The following ASIC2 variants were observed in gnomAD, a reference collection of about 807,000 sequenced individuals.
ASIC2 encodes acid-sensing ion channel 2.
ASIC2 carries 25 observed loss-of-function variants against 57.3 expected under a neutral mutation model. That is an observed-to-expected ratio of 0.44 (90% confidence interval 0.32 to 0.61). ASIC2 has a LOEUF of 0.61. Among genes scored for constraint, ASIC2 ranks in the 20% least tolerant of loss-of-function variants. The probability of loss-of-function intolerance (pLI) is 0.06; values close to 1 mark genes in which losing one functional copy is unlikely to be tolerated. For missense variants in ASIC2, 641 were observed against 738.1 expected (o/e 0.87, Z 1.52); for synonymous variants, 319 against 307.5 (o/e 1.04, Z -0.39).
chr17:33,797,285 C>T (rs1382666503), intron 1 of ASIC2, among the ~76,000 whole-genome samples: 2 of 152,166 alleles, frequency 1.3e-5, no homozygotes, highest in African/African-American at 4.8e-5. Context: ...AGAAGTAGAG[C>T]TGTGCAAAGT....
At chr17:33,983,644 C>A (rs866293323) in intron 1 of ASIC2, among the ~76,000 whole-genome samples, 90 of 152,306 alleles carry the variant, frequency 5.9e-4, no homozygotes, top group African/African-American at 2.1e-3. Context: ...GTTAGGCGTG[C>A]AAATTCGTGA....
In ASIC2 at chr17:33,042,254, C is replaced by T. The variant is rs536783495; in HGVS notation, c.988-13862G>A. 5.3e-5 allele frequency among the ~76,000 whole-genome samples: 8 copies of T among 152,300 alleles called. No homozygotes were observed. The South Asian group carries it at 1.7e-3, about 32-fold the overall frequency. On this transcript the variant is annotated intron_variant, in intron 3 of 9. Coordinates refer to ENST00000225823, the MANE Select transcript of ASIC2 (RefSeq NM_183377.2). The stretch of plus-strand genomic sequence containing the variant: ...CACAGAAGCAGTGAGACACCCTCCT[C>T]CTGCCTCTGCCTGGCTTCAGTAAGG...
chr17:33,442,158 C>T (rs1470858547), intron 1 of ASIC2, among the ~76,000 whole-genome samples: 3 of 152,140 alleles, frequency 2.0e-5, no homozygotes, highest in African/African-American at 2.4e-5. Context: ...TTGTCATTAC[C>T]GTACTTTCTT....
At chr17:34,086,728 T>C (rs1381664166) in intron 1 of ASIC2, among the ~76,000 whole-genome samples, 1 of 152,190 alleles carries the variant, frequency 6.6e-6, no homozygotes, top group Non-Finnish European at 1.5e-5. Context: ...TGCTCCTGTA[T>C]TGGGTGCGTA....
intron 3 of ASIC2, chr17:33,052,069 C>A (rs949865077): frequency 6.6e-6 from 1 of 152,140 alleles, no homozygotes; most frequent in Non-Finnish European, 1.5e-5. Flanking sequence ...TGCTAGAAAC[C>A]AAATGGGACT....
At chr17:33,131,423 C>G (rs2092345539) in intron 1 of ASIC2, among the ~76,000 whole-genome samples, 1 of 152,132 alleles carries the variant, frequency 6.6e-6, no homozygotes, top group African/African-American at 2.4e-5. Context: ...ATTGCTAGGA[C>G]AGTCTGCCAC....
Position 33,015,997 on chromosome 17 carries a change from C to T in ASIC2, c.1564G>A (p.Asp522Asn), listed in dbSNP as rs780407455. The change falls in exon 9 of 10, where the codon GAC becomes AAC. Residue 522 changes from aspartate (D) to asparagine (N), a missense_variant. This residue lies in a region of ASIC2 where 252 missense variants were observed against 319.8 expected (regional missense o/e 0.79). Transcript: ENST00000225823. Reference sequence around the variant, plus strand: ...ACATTCTCATCGTGGCTCCCTTCGTCCTCCTCTTTGCCAAGCAGGTCTAAT... The same window carrying T: ...ACATTCTCATCGTGGCTCCCTTCGTTCTCCTCTTTGCCAAGCAGGTCTAAT... ...KLLDLLGKEE[D>N]EGSHDENVST... The T allele has an allele frequency of 6.8e-6, 11 of 1,614,172 alleles. No homozygotes were observed. The highest frequency in any genetic ancestry group is 8.5e-6 in the Non-Finnish European group (10 of 1,180,014).
intron 1 of ASIC2, among the ~76,000 whole-genome samples, chr17:33,230,701 G>T (rs567818805): frequency 2.0e-5 from 3 of 152,000 alleles, no homozygotes; most frequent in South Asian, 2.1e-4. Flanking sequence ...CAGTGCGAAG[G>T]GGGTAAGAAG....
rs1331716193 is a variant in ASIC2, at chr17:33,464,697, A to ATATATATATT, written c.556-352631_556-352630insAATATATATA. ...TCTCTCTCTCTCTCTCTATATATAT[A>ATATATATATT]TATATATGTATATATATGTATATAA... On this transcript the variant is annotated intron_variant, in intron 1 of 9. Transcript: ENST00000359872. Among the ~76,000 whole-genome samples, 355 of 137,176 alleles carry ATATATATATT rather than the reference A, an allele frequency of 2.6e-3. 3 individuals are homozygous for ATATATATATT. Among genetic ancestry groups the ATATATATATT allele is most frequent in the African/African-American group, 9.5e-3 (343 of 35,984 alleles). The allele number at this position is 137,176 out of a possible 152,430, so 90.0% of individuals were successfully genotyped here. A position where few individuals can be genotyped will look rare whatever the true frequency, so the allele number is the denominator to read the frequency against.
chr17:33,291,530 G>A lies in ASIC2; in HGVS notation c.586C>T (p.Pro196Ser). 6.2e-7 allele frequency: 1 copy of A among 1,612,542 alleles called. No individual in the cohort carries two copies. The highest frequency in any genetic ancestry group is 1.7e-5 in the Admixed American group (1 of 60,010). Reference protein sequence around the residue: ...RKLADFRLFLPPRHFEGISAA... With the variant: ...RKLADFRLFLSPRHFEGISAA... The stretch of plus-strand genomic sequence containing the variant: ...CTGATTCCCTCGAAGTGGCGCGGAG[G>A]CAGGAAGAGGCGGAAGTCCGCCAGC... The change falls in exon 1 of 10, where the codon CCT (proline) becomes TCT (serine). Residue 196 changes from proline to serine, a missense_variant. This residue lies in a region of ASIC2 where 382 missense variants were observed against 398.0 expected (regional missense o/e 0.96). Coordinates refer to ENST00000225823, the MANE Select transcript of ASIC2 (RefSeq NM_183377.2).
At chr17:33,236,771 G>C (rs1908310137) in intron 1 of ASIC2, among the ~76,000 whole-genome samples, 1 of 152,156 alleles carries the variant, frequency 6.6e-6, no homozygotes, top group Non-Finnish European at 1.5e-5. Context: ...TGGACACAGA[G>C]AGAAATGGGC....
intron 1 of ASIC2, among the ~76,000 whole-genome samples, chr17:33,720,239 A>T (rs1264502792): frequency 6.6e-6 from 1 of 152,198 alleles, no homozygotes; most frequent in East Asian, 1.9e-4. Flanking sequence ...AATGTTATTT[A>T]AAGAATCTAA....
chr17:33,726,171 G>A (rs943102769), intron 1 of ASIC2, among the ~76,000 whole-genome samples: 5 of 152,258 alleles, frequency 3.3e-5, no homozygotes, highest in African/African-American at 1.2e-4. Context: ...AACTGCCAAA[G>A]CTTCTGGAGA....
chr17:34,105,882 C>T (rs1477458455), intron 1 of ASIC2, among the ~76,000 whole-genome samples: 1 of 151,970 alleles, frequency 6.6e-6, no homozygotes, highest in African/African-American at 2.4e-5. Context: ...TACATAACCA[C>T]TGCAATTATT....
At chr17:33,883,328 A>T (rs897098011) in intron 1 of ASIC2, among the ~76,000 whole-genome samples, 7 of 152,236 alleles carry the variant, frequency 4.6e-5, no homozygotes, top group Non-Finnish European at 8.8e-5. Context: ...GCCTAGCTCC[A>T]CACAAGATTG....
intron 1 of ASIC2, among the ~76,000 whole-genome samples, chr17:33,202,168 G>T (rs55902098): frequency 0.25 from 38,079 of 152,090 alleles, 7,199 homozygotes; most frequent in African/African-American, 0.5. Flanking sequence ...GGCTCACCTG[G>T]CCTGCCTGCA....
intron 1 of ASIC2, among the ~76,000 whole-genome samples, chr17:33,933,490 G>T: frequency 6.6e-6 from 1 of 152,198 alleles, no homozygotes; most frequent in East Asian, 1.9e-4. Context: ...AAATGAATAA[G>T]CTCAGGCTTG....
chr17:33,553,692 C>A (rs899712685), intron 1 of ASIC2, among the ~76,000 whole-genome samples: 1 of 152,084 alleles, frequency 6.6e-6, no homozygotes, highest in African/African-American at 2.4e-5. Flanking sequence ...ATGTGCCAGG[C>A]ATGGTACTAT....
intron 1 of ASIC2, among the ~76,000 whole-genome samples, chr17:33,340,900 C>A (rs1035316367): frequency 1.1e-4 from 17 of 152,096 alleles, no homozygotes; most frequent in Non-Finnish European, 2.4e-4. Flanking sequence ...CAGGGAATGA[C>A]CCTGTACTTG....
Sources: allele counts gnomAD v4.1 joint callset (sites outside exome capture counted in the v4.1 genomes callset), GRCh38; gene constraint gnomAD v4.1.1; regional missense constraint gnomAD v4.1.1; transcripts MANE v1.5; gene names NCBI Gene and HGNC (gene_info 2026-07-23, HGNC 2026-07-21).